Variants in MAP3K5 observed in about 807,000 individuals in gnomAD.
The protein encoded by MAP3K5 is ASK-1.
A neutral mutation model predicts 158.7 loss-of-function variants in MAP3K5; 56 were observed. That is an observed-to-expected ratio of 0.35 (90% CI 0.28 to 0.44). The LOEUF (loss-of-function observed/expected upper bound fraction) is 0.44. Among genes scored for constraint, MAP3K5 ranks in the 20% least tolerant of loss-of-function variants. MAP3K5 has a pLI of 1.00. For synonymous variants in MAP3K5, 579 were observed against 601.7 expected (o/e 0.96, Z 0.55); for missense variants, 1,294 against 1,674.8 (o/e 0.77, Z 3.97).
At chr6:136,658,665 C>T (rs1778873463) in intron 9 of MAP3K5, among the ~76,000 whole-genome samples, 1 of 152,126 alleles carries the variant, frequency 6.6e-6, no homozygotes, top group Non-Finnish European at 1.5e-5. Context: ...TTTGTTTCCA[C>T]CTCTCCAATT....
In MAP3K5 at chr6:136,642,465, T is replaced by C. The variant is rs1778026401; in HGVS notation, c.1838+55A>G. On this transcript the variant is annotated intron_variant, in intron 12 of 29. Coordinates refer to ENST00000359015, the MANE Select transcript of MAP3K5 (RefSeq NM_005923.4). ...ATGATTAGAAGTTCTATCCAGCCCA[T>C]GAATAGTGGAGAAAAATGTCTTATA... 6 of 1,197,028 alleles carry C rather than the reference T, an allele frequency of 5.0e-6. No homozygotes were observed. In the East Asian group the frequency reaches 7.0e-5, roughly 14 times the overall value. 74.2% of individuals were successfully genotyped at this position (1,197,028 alleles called of 1,614,324 possible).
intron 7 of MAP3K5, among the ~76,000 whole-genome samples, chr6:136,679,754 C>G (rs1779853965): frequency 6.6e-6 from 1 of 152,042 alleles, no homozygotes; most frequent in African/African-American, 2.4e-5. Flanking sequence ...TATCATGACG[C>G]ATGTTACTAT....
intron 19 of MAP3K5, 93 bp from the exon 20 acceptor site, chr6:136,602,072 C>A: frequency 1.1e-6 from 1 of 930,242 alleles, no homozygotes. Context: ...CCCAATGCAA[C>A]AAGATCCCTT....
intron 1 of MAP3K5, among the ~76,000 whole-genome samples, chr6:136,742,400 A>G (rs188098861): frequency 2.6e-5 from 4 of 152,282 alleles, no homozygotes; most frequent in Admixed American, 2.6e-4. Context: ...CTTTTCAACA[A>G]ACGGTGCTGG....
chr6:136,727,804 CA>C (rs5880305), intron 1 of MAP3K5, among the ~76,000 whole-genome samples: 3 of 150,934 alleles, frequency 2.0e-5, no homozygotes, highest in Non-Finnish European at 4.4e-5. Context: ...ACTAAAAATA[CA>C]AAAAAAATTA....
chr6:136,683,568 AATC>A (rs1194437116), intron 7 of MAP3K5, among the ~76,000 whole-genome samples: 1 of 152,210 alleles, frequency 6.6e-6, no homozygotes. Context: ...CTTATGATTA[AATC>A]CATTGGAGTA....
At chr6:136,656,545 A>C (rs184304463) in intron 9 of MAP3K5, 85 bp from the exon 10 acceptor site, 1 of 799,382 alleles carries the variant, frequency 1.3e-6, no homozygotes, top group Non-Finnish European at 2.0e-6. Context: ...CTGTAAATGT[A>C]ATTTATACAT....
intron 12 of MAP3K5, among the ~76,000 whole-genome samples, chr6:136,641,861 G>A (rs1280317869): frequency 5.3e-5 from 8 of 151,356 alleles, no homozygotes; most frequent in South Asian, 4.2e-4. Flanking sequence ...GGTGACATGC[G>A]CCCGTAATCC....
rs1161905660 is a variant in MAP3K5 at position 136,557,724 on chromosome 6, T to C, written c.*34A>G. The C allele has an allele frequency of 3.2e-6, 5 of 1,540,562 alleles. No homozygotes were observed. Among genetic ancestry groups the C allele is most frequent in the Non-Finnish European group, 4.5e-6 (5 of 1,113,038 alleles). Reference sequence around the variant, plus strand: ...AGAAGATCAGCTCTGTATTAATTTTTAGAATTTCCATCGAAGATTAGATTG... The same window carrying C: ...AGAAGATCAGCTCTGTATTAATTTTCAGAATTTCCATCGAAGATTAGATTG... On this transcript the variant is annotated 3_prime_UTR_variant, in exon 30 of 30. Coordinates refer to ENST00000359015, the MANE Select transcript of MAP3K5 (RefSeq NM_005923.4).
chr6:136,642,540 G>A lies in MAP3K5; in HGVS notation c.1818C>T (p.Ala606=). The stretch of plus-strand genomic sequence containing the variant: ...CTTACCTCACTCCCCTGACAGAAGA[G>A]GCACTAAAATTCCACTCATGTATAC... ...KKGIHEWNFS[A]SSVRGVSISK... The change falls in exon 12 of 30, where the codon GCC becomes GCT. Residue 606 remains alanine (A), a synonymous_variant. Transcript: ENST00000359015. 6.2e-7 allele frequency: 1 copy of A among 1,610,292 alleles called. No homozygotes were observed. Among genetic ancestry groups the A allele is most frequent in the South Asian group, 1.1e-5 (1 of 90,896 alleles).
chr6:136,601,679 A>T, intron 20 of MAP3K5, 123 bp downstream of exon 20: 1 of 834,034 alleles, frequency 1.2e-6, no homozygotes, highest in Non-Finnish European at 1.8e-6. Flanking sequence ...ACACTGTGCT[A>T]ATATTTATAC....
chr6:136,626,140 C>A (rs9389418), intron 14 of MAP3K5, among the ~76,000 whole-genome samples: 12,415 of 152,138 alleles, frequency 0.082, 1,244 homozygotes, highest in East Asian at 0.23. Context: ...GAGGATGGGG[C>A]TGGGGTGGAG....
chr6:136,653,275 C>T (rs1482766019), intron 10 of MAP3K5, among the ~76,000 whole-genome samples: 1 of 152,060 alleles, frequency 6.6e-6, no homozygotes, highest in Non-Finnish European at 1.5e-5. Flanking sequence ...AATCATTTCC[C>T]AAATAAACTT....
Position 136,592,577 on chromosome 6 carries a change from C to T in MAP3K5, c.2916G>A (p.Leu972=), listed in dbSNP as rs1422782218. The change falls in exon 22 of 30, where the codon CTG becomes CTA. Residue 972 remains leucine (L), a synonymous_variant. Coordinates refer to ENST00000359015, the MANE Select transcript of MAP3K5 (RefSeq NM_005923.4). The stretch of plus-strand genomic sequence containing the variant: ...CACTGCTGCTGCTGGTGTCCTCCAC[C>T]AGCACAGGTACCGGCAAGGATATAC... ...LRSISLPVPV[L]VEDTSSSSEY... is the part of the protein sequence containing the mutation. The T allele has an allele frequency of 6.2e-7, 1 of 1,614,004 alleles. No individual in the cohort carries two copies. Among genetic ancestry groups the T allele is most frequent in the Non-Finnish European group, 8.5e-7 (1 of 1,180,010 alleles).
At chr6:136,720,988 A>T (rs745445412) in intron 1 of MAP3K5, among the ~76,000 whole-genome samples, 5 of 152,140 alleles carry the variant, frequency 3.3e-5, no homozygotes, top group Admixed American at 6.5e-5. Context: ...TATGTTTCCC[A>T]GGTTGAACTC....
At chr6:136,576,793 T>C (rs1334685415) in intron 25 of MAP3K5, among the ~76,000 whole-genome samples, 1 of 152,202 alleles carries the variant, frequency 6.6e-6, no homozygotes, top group African/African-American at 2.4e-5. Context: ...ATGGATCGCA[T>C]ATATTACAGT....
In MAP3K5 at chr6:136,580,405, A is replaced by C. The variant is rs1774816625; in HGVS notation, c.3413T>G (p.Val1138Gly). 1 of 1,597,026 alleles carries C rather than the reference A, an allele frequency of 6.3e-7. No individual in the cohort carries two copies. The highest frequency in any genetic ancestry group is 8.6e-7 in the Non-Finnish European group (1 of 1,164,998). The change falls in exon 25 of 30, where the codon GTC (valine) becomes GGC (glycine). Residue 1138 changes from valine to glycine, a missense_variant and splice_region_variant. Physicochemically the swap from Val to Gly is moderately radical, Grantham distance 109. This residue lies in a region of MAP3K5 where 362 missense variants were observed against 463.2 expected (regional missense o/e 0.78). Transcript: ENST00000359015. ...GTTATGATTCCGAAGAACTTTATTGACCTGGAGAGAGAGTGACATTTAGCC... is the reference window on the plus strand; with the variant it reads ...GTTATGATTCCGAAGAACTTTATTGCCCTGGAGAGAGAGTGACATTTAGCC... Reference protein sequence around the residue: ...QVVLFGFQDAVNKVLRNHNIK... With the variant: ...QVVLFGFQDAGNKVLRNHNIK...
intron 1 of MAP3K5, among the ~76,000 whole-genome samples, chr6:136,759,454 C>CTATACATATATATATATATA (rs1783642015): frequency 1.0e-5 from 1 of 98,126 alleles, no homozygotes; most frequent in African/African-American, 3.9e-5. Flanking sequence ...TATACTAAAA[C>CTATACATATATATATATATA]TATATATATA....
At chr6:136,750,990 C>G (rs1177967785) in intron 1 of MAP3K5, among the ~76,000 whole-genome samples, 1 of 152,188 alleles carries the variant, frequency 6.6e-6, no homozygotes, top group Non-Finnish European at 1.5e-5. Flanking sequence ...TCTTTTGGGA[C>G]CCTTCTGAGG....
Sources: gnomAD v4.1 joint callset for allele counts (sites outside exome capture counted in the v4.1 genomes callset) on GRCh38, gnomAD v4.1.1 for gene constraint, gnomAD v4.1.1 regional missense constraint, MANE v1.5 for transcripts, NCBI Gene and HGNC (gene_info 2026-07-23, HGNC 2026-07-21) for gene names.